Variants in TXNDC9 observed in about 807,000 individuals in gnomAD.
TXNDC9 encodes thioredoxin domain-containing protein 9.
TXNDC9 carries 7 observed loss-of-function variants against 23.0 expected under a neutral mutation model. The ratio of observed to expected loss-of-function variants is 0.30; its 90% CI spans 0.17 to 0.57. The LOEUF (loss-of-function observed/expected upper bound fraction) is 0.57, where lower values mean the gene tolerates loss of function less well. Ranked by LOEUF, TXNDC9 falls within the 20% of genes least tolerant of loss-of-function variation. The pLI, the probability that TXNDC9 is intolerant of heterozygous loss-of-function variation, is 0.90. For synonymous variants in TXNDC9, 72 were observed against 90.6 expected (o/e 0.79, Z 1.17); for missense variants, 198 against 252.6 (o/e 0.78, Z 1.47).
At chr2:99,316,400 T>C (rs929440622), downstream of TXNDC9, among the ~76,000 whole-genome samples, 6 of 151,948 alleles carry the variant, frequency 3.9e-5, no homozygotes, top group African/African-American at 1.5e-4. Flanking sequence ...TTTGAACTCC[T>C]GGCCTCAAGC....
At chr2:99,311,993 G>C in the TXNDC9 span, among the ~76,000 whole-genome samples, 1 of 152,174 alleles carries the variant, frequency 6.6e-6, no homozygotes, top group African/African-American at 2.4e-5. Context: ...ACAGTTTTAT[G>C]AAGGCCATAA....
At chr2:99,322,757 C>A in intron 3 of TXNDC9, 1 of 1,367,184 alleles carries the variant, frequency 7.3e-7, no homozygotes, top group Non-Finnish European at 9.5e-7. Flanking sequence ...CCAGTAGTAA[C>A]TTTTTTATTT....
At chr2:99,329,202 A>ATAAAGAT (rs1244317691) in intron 2 of TXNDC9, among the ~76,000 whole-genome samples, 2 of 152,218 alleles carry the variant, frequency 1.3e-5, no homozygotes, top group African/African-American at 2.4e-5. Context: ...TCCAGCTTGG[A>ATAAAGAT]TAAAGATTAA....
downstream of TXNDC9, among the ~76,000 whole-genome samples, chr2:99,317,856 T>C (rs1002300909): frequency 6.6e-6 from 1 of 152,080 alleles, no homozygotes. Flanking sequence ...CTGTAGAGTA[T>C]CTTTGAGGCT....
At chr2:99,328,101 AT>A (rs924846785) in intron 2 of TXNDC9, among the ~76,000 whole-genome samples, 39 of 147,740 alleles carry the variant, frequency 2.6e-4, no homozygotes, top group African/African-American at 7.7e-4. Flanking sequence ...TTATTTATTT[AT>A]TTTTTTTTTG....
Position 99,336,296 on chromosome 2 carries a change from A to T in TXNDC9, c.-90T>A. ...AGCAGCAGTTTCAAAAGACACGTCC[A>T]CTCCGGCTTTTGCCTTGCAGTAGCT... On this transcript the variant is annotated 5_prime_UTR_variant, in exon 1 of 5. Transcript: ENST00000264255. 4.1e-6 allele frequency: 4 copies of T among 983,706 alleles called. No homozygotes were observed. The highest frequency in any genetic ancestry group is 3.6e-6 in the Non-Finnish European group (3 of 829,664). The allele number at this position is 983,706 out of a possible 1,614,324, so 60.9% of individuals were successfully genotyped here. A position where few individuals can be genotyped will look rare whatever the true frequency, so the allele number is the denominator to read the frequency against.
chr2:99,332,342 C>G (rs112900993), intron 2 of TXNDC9, among the ~76,000 whole-genome samples: 33,882 of 152,066 alleles, frequency 0.22, 4,257 homozygotes, highest in Admixed American at 0.31. Context: ...ACTCGGGTGG[C>G]TGAGGCAGAA....
downstream of TXNDC9, among the ~76,000 whole-genome samples, chr2:99,314,229 T>C (rs1270199657): frequency 6.6e-6 from 1 of 151,794 alleles, no homozygotes; most frequent in Non-Finnish European, 1.5e-5. Flanking sequence ...TCTCCTTCCT[T>C]AGTTTTCATG....
At chr2:99,308,521 G>T in the TXNDC9 span, among the ~76,000 whole-genome samples, 1 of 151,584 alleles carries the variant, frequency 6.6e-6, no homozygotes, top group Non-Finnish European at 1.5e-5. Context: ...TTAATTTTAG[G>T]CCTGTTGGTG....
intron 3 of TXNDC9, among the ~76,000 whole-genome samples, chr2:99,325,045 GTCAA>G (rs1386569156): frequency 6.6e-6 from 1 of 152,116 alleles, no homozygotes; most frequent in Admixed American, 6.5e-5. Flanking sequence ...CGCCCAACCC[GTCAA>G]TCAATTTTTA....
At chr2:99,324,872 C>T (rs917371732) in intron 3 of TXNDC9, among the ~76,000 whole-genome samples, 8 of 152,162 alleles carry the variant, frequency 5.3e-5, no homozygotes, top group Non-Finnish European at 1.2e-4. Flanking sequence ...CAGCCTCCTG[C>T]ACAACTGGGA....
intron 1 of TXNDC9, among the ~76,000 whole-genome samples, chr2:99,333,534 A>G (rs2094230919): frequency 6.6e-6 from 1 of 152,222 alleles, no homozygotes; most frequent in Admixed American, 6.5e-5. Flanking sequence ...CCATCACCAA[A>G]CCACAGAGAA....
chr2:99,318,345 T>G (rs1211579839), downstream of TXNDC9, among the ~76,000 whole-genome samples: 2 of 152,132 alleles, frequency 1.3e-5, no homozygotes, highest in Non-Finnish European at 2.9e-5. Context: ...GTCCCTTTAT[T>G]AAATATTTTT....
chr2:99,322,655 C>T, intron 3 of TXNDC9: 1 of 1,538,552 alleles, frequency 6.5e-7, no homozygotes, highest in Non-Finnish European at 8.7e-7. Context: ...CCTAAATATG[C>T]AACGCTGTCA....
the TXNDC9 span, among the ~76,000 whole-genome samples, chr2:99,312,728 C>A: frequency 6.6e-6 from 1 of 152,148 alleles, no homozygotes; most frequent in Non-Finnish European, 1.5e-5. Flanking sequence ...AGAAATGCAT[C>A]AAATCTTGAA....
At chr2:99,310,724 G>A in the TXNDC9 span, among the ~76,000 whole-genome samples, 1 of 152,104 alleles carries the variant, frequency 6.6e-6, no homozygotes, top group Non-Finnish European at 1.5e-5. Context: ...TGCTGCCTTT[G>A]AAGATAGAGG....
downstream of TXNDC9, among the ~76,000 whole-genome samples, chr2:99,317,917 G>T (rs1273528374): frequency 8.5e-5 from 13 of 152,250 alleles, no homozygotes; most frequent in African/African-American, 3.1e-4. Flanking sequence ...TTGAGACAGG[G>T]TCTCACTCCG....
At chr2:99,321,713 T>C (rs1047203066) in intron 4 of TXNDC9, 1 of 432,430 alleles carries the variant, frequency 2.3e-6, no homozygotes, top group African/African-American at 2.0e-5. Context: ...ACTTTTATAG[T>C]CAGGAGTACG....
In TXNDC9 at chr2:99,322,220, C is replaced by T; in HGVS notation, c.309-11G>A. On this transcript the variant is annotated splice_polypyrimidine_tract_variant and intron_variant, in intron 3 of 4. Coordinates refer to ENST00000264255, the MANE Select transcript of TXNDC9 (RefSeq NM_005783.4). ...TCTAGTATTTTACACCTGTAAGTGA[C>T]CACACATAGAAAATTATAAGCTAAA... 2 of 1,600,268 alleles carry T rather than the reference C, an allele frequency of 1.2e-6. No individual in the cohort carries two copies. The highest frequency in any genetic ancestry group is 1.7e-6 in the Non-Finnish European group (2 of 1,172,110).
Sources: gnomAD v4.1 joint callset for allele counts (sites outside exome capture counted in the v4.1 genomes callset) on GRCh38, gnomAD v4.1.1 for gene constraint, MANE v1.5 for transcripts, NCBI Gene and HGNC (gene_info 2026-07-23, HGNC 2026-07-21) for gene names.